Variants in CTNNA2 observed in about 807,000 individuals in gnomAD.
CTNNA2 encodes catenin alpha 2.
A neutral mutation model predicts 101.0 loss-of-function variants in CTNNA2; 42 were observed. The observed-to-expected ratio is 0.42, with a 90% CI of 0.32 to 0.54. The LOEUF (loss-of-function observed/expected upper bound fraction) is 0.54, where lower values mean the gene tolerates loss of function less well. CTNNA2 is among the 20% of genes least tolerant of loss of function. The pLI is 0.14. For synonymous variants in CTNNA2, 450 were observed against 456.4 expected (o/e 0.99, Z 0.18); for missense variants, 871 against 1,223.1 (o/e 0.71, Z 4.29).
intron 7 of CTNNA2, among the ~76,000 whole-genome samples, chr2:80,019,035 A>G (rs62141397): frequency 0.14 from 21,548 of 152,222 alleles, 1,939 homozygotes; most frequent in South Asian, 0.32. Flanking sequence ...TTCCTAAACA[A>G]TACAGTATAA....
intron 7 of CTNNA2, among the ~76,000 whole-genome samples, chr2:79,922,676 G>T (rs1686753921): frequency 1.4e-5 from 2 of 142,364 alleles, no homozygotes; most frequent in Admixed American, 7.1e-5. Flanking sequence ...TCAAGATTCT[G>T]GAAGGATCAC....
chr2:80,230,451 T>C (rs958044866), intron 7 of CTNNA2, among the ~76,000 whole-genome samples: 2 of 152,094 alleles, frequency 1.3e-5, no homozygotes, highest in African/African-American at 4.8e-5. Context: ...TGTTTTTTCA[T>C]CATCACTTTC....
chr2:80,319,697 A>T (rs1446931626), intron 7 of CTNNA2, among the ~76,000 whole-genome samples: 2 of 152,110 alleles, frequency 1.3e-5, no homozygotes, highest in Non-Finnish European at 1.5e-5. Context: ...TTCTGTTCCC[A>T]CCTAGCACCC....
chr2:79,432,058 T>C (rs535309372), intron 4 of CTNNA2, among the ~76,000 whole-genome samples: 13 of 152,312 alleles, frequency 8.5e-5, no homozygotes, highest in Admixed American at 7.2e-4. Flanking sequence ...CTTGATTAGA[T>C]CCTGATGCCA....
chr2:80,245,794 CTTTTTTTTTTT>C lies in CTNNA2; in HGVS notation c.1057-147398_1057-147388del, dbSNP rs34625586. ...ATTTAAAACTGTGATTATGATTTAACTTTTTTTTTTTTTTTTTTTTTTTTTTTTTGCACTCT... is the reference window on the plus strand; with the variant it reads ...ATTTAAAACTGTGATTATGATTTAACTTTTTTTTTTTTTTTTTTGCACTCT... On this transcript the variant is annotated intron_variant, in intron 7 of 18. Coordinates refer to ENST00000402739, the MANE Select transcript of CTNNA2 (RefSeq NM_001282597.3). Among the ~76,000 whole-genome samples the C allele has an allele frequency of 1.5e-4, 9 of 58,954 alleles. No homozygotes were observed. In the East Asian group the frequency reaches 2.6e-3, roughly 17 times the overall value. The allele number at this position is 58,954 out of a possible 152,430, so 38.7% of individuals were successfully genotyped here. A position where few individuals can be genotyped will look rare whatever the true frequency, so the allele number is the denominator to read the frequency against.
At chr2:79,964,451 CT>C (rs1456082862) in intron 7 of CTNNA2, among the ~76,000 whole-genome samples, 3 of 151,306 alleles carry the variant, frequency 2.0e-5, no homozygotes, top group Non-Finnish European at 4.4e-5. Context: ...AAGGATATTA[CT>C]TTTCCCCTTT....
At chr2:80,353,877 G>A (rs1259170156) in intron 7 of CTNNA2, among the ~76,000 whole-genome samples, 1 of 152,100 alleles carries the variant, frequency 6.6e-6, no homozygotes, top group African/African-American at 2.4e-5. Flanking sequence ...TGCCAAAAGA[G>A]CCTAATTTAG....
intron 3 of CTNNA2, among the ~76,000 whole-genome samples, chr2:79,809,723 C>T (rs1676857330): frequency 6.6e-6 from 1 of 152,080 alleles, no homozygotes; most frequent in African/African-American, 2.4e-5. Context: ...AATTTTCTCC[C>T]ATTCTGTAGG....
At chr2:79,540,217 G>T (rs575581865) in intron 1 of CTNNA2, among the ~76,000 whole-genome samples, 1 of 152,290 alleles carries the variant, frequency 6.6e-6, no homozygotes, top group South Asian at 2.1e-4. Context: ...CCACTTAGTG[G>T]TTAGGGGTGT....
chr2:80,146,901 C>T (rs1035299461), intron 7 of CTNNA2, among the ~76,000 whole-genome samples: 65 of 148,940 alleles, frequency 4.4e-4, no homozygotes, highest in African/African-American at 1.4e-3. Flanking sequence ...TACAGGTTTC[C>T]ACCACCACGC....
At chr2:80,052,753 A>G (rs556804322) in intron 7 of CTNNA2, among the ~76,000 whole-genome samples, 1 of 152,314 alleles carries the variant, frequency 6.6e-6, no homozygotes, top group African/African-American at 2.4e-5. Flanking sequence ...GATTTGAAAC[A>G]GATAGAAGCA....
At chr2:79,411,569 G>C (rs1159638155) in intron 4 of CTNNA2, among the ~76,000 whole-genome samples, 1 of 152,072 alleles carries the variant, frequency 6.6e-6, no homozygotes, top group African/African-American at 2.4e-5. Context: ...CTACAAACCA[G>C]AAGAGAGTGG....
chr2:79,597,949 A>C (rs1190296979), intron 1 of CTNNA2, among the ~76,000 whole-genome samples: 1 of 152,186 alleles, frequency 6.6e-6, no homozygotes, highest in Non-Finnish European at 1.5e-5. Context: ...CCACCTGTTC[A>C]TACCTCCCAC....
chr2:79,909,722 G>A lies in CTNNA2; in HGVS notation c.981G>A (p.Arg327=), dbSNP rs745441744. Residue 327 remains arginine (R), a synonymous_variant, in exon 7 of 19, where the codon CGG becomes CGA. Transcript: ENST00000402739. ...ACTCCTCCTGCACGCGAGACGACCG[G>A]CGCGAGAGGATCGTGGCGGAGTGCA... ...MADSSCTRDD[R]RERIVAECNA... is the part of the protein sequence containing the mutation. The A allele has an allele frequency of 2.5e-6, 4 of 1,613,910 alleles. No individual in the cohort carries two copies. Among genetic ancestry groups the A allele is most frequent in the Middle Eastern group, 1.6e-4 (1 of 6,062 alleles).
intron 9 of CTNNA2, among the ~76,000 whole-genome samples, chr2:80,436,571 A>G (rs1331048674): frequency 6.6e-6 from 1 of 152,114 alleles, no homozygotes; most frequent in Non-Finnish European, 1.5e-5. Context: ...GTTTTGGTCT[A>G]TTCATGGTGC....
intron 7 of CTNNA2, among the ~76,000 whole-genome samples, chr2:80,181,316 C>T (rs1038154206): frequency 6.6e-6 from 1 of 152,082 alleles, no homozygotes; most frequent in African/African-American, 2.4e-5. Flanking sequence ...GAGATGTTGC[C>T]ACCACTGGGG....
At chr2:80,327,910 C>A (rs1670965190) in intron 7 of CTNNA2, among the ~76,000 whole-genome samples, 1 of 152,142 alleles carries the variant, frequency 6.6e-6, no homozygotes, top group East Asian at 1.9e-4. Context: ...GCTAGAATTC[C>A]TTTCCCTGCT....
At chr2:80,532,744 T>G (rs1024085386) in intron 9 of CTNNA2, among the ~76,000 whole-genome samples, 1 of 152,208 alleles carries the variant, frequency 6.6e-6, no homozygotes, top group East Asian at 1.9e-4. Context: ...TGTGTGTGTT[T>G]TTTTTAAAGC....
At chr2:80,625,407 A>G (rs1356034466) in intron 18 of CTNNA2, among the ~76,000 whole-genome samples, 1 of 151,948 alleles carries the variant, frequency 6.6e-6, no homozygotes, top group African/African-American at 2.4e-5. Context: ...CCCATTGAAA[A>G]TATTAGAATA....
Sources: allele counts gnomAD v4.1 joint callset (sites outside exome capture counted in the v4.1 genomes callset), GRCh38; gene constraint gnomAD v4.1.1; transcripts MANE v1.5; gene names NCBI Gene and HGNC (gene_info 2026-07-23, HGNC 2026-07-21).